Variants in DLGAP1 observed in about 807,000 individuals in gnomAD.
DLGAP1 encodes disks large-associated protein 1.
In DLGAP1, 11 loss-of-function variants were observed where a neutral mutation model predicts 90.8. That is an observed-to-expected ratio of 0.12 (90% CI 0.08 to 0.20). The LOEUF (loss-of-function observed/expected upper bound fraction) is 0.20, where lower values mean the gene tolerates loss of function less well. Among genes scored for constraint, DLGAP1 ranks in the 10% least tolerant of loss-of-function variants. The pLI is 1.00. For synonymous variants in DLGAP1, 558 were observed against 540.7 expected (o/e 1.03, Z -0.44); for missense variants, 1,050 against 1,333.8 (o/e 0.79, Z 3.31).
intron 7 of DLGAP1, among the ~76,000 whole-genome samples, chr18:3,675,102 C>T (rs1375582086): frequency 6.6e-6 from 1 of 152,196 alleles, no homozygotes; most frequent in East Asian, 1.9e-4. Context: ...GATGGAGTCT[C>T]ACTTTGTCAC....
chr18:3,714,937 A>G (rs1286016355), intron 7 of DLGAP1, among the ~76,000 whole-genome samples: 1 of 152,118 alleles, frequency 6.6e-6, no homozygotes, highest in Non-Finnish European at 1.5e-5. Context: ...ACGCCCAGTA[A>G]GGTTTTAAAA....
At chr18:3,697,322 C>T (rs776041881) in intron 7 of DLGAP1, among the ~76,000 whole-genome samples, 9 of 152,164 alleles carry the variant, frequency 5.9e-5, no homozygotes, top group Non-Finnish European at 1.3e-4. Context: ...CTCCTCTGGG[C>T]ATTTAGTGCT....
intron 5 of DLGAP1, among the ~76,000 whole-genome samples, chr18:3,802,381 C>A (rs113788014): frequency 0.013 from 2,023 of 152,318 alleles, 39 homozygotes; most frequent in African/African-American, 0.045. Context: ...AAAATGAATT[C>A]TCTGGATATG....
At chr18:3,676,195 G>A (rs1023429200) in intron 7 of DLGAP1, among the ~76,000 whole-genome samples, 1 of 152,222 alleles carries the variant, frequency 6.6e-6, no homozygotes, top group Non-Finnish European at 1.5e-5. Context: ...CAGACAAGAT[G>A]GCGCAGCCCA....
At chr18:3,766,821 C>T (rs1488352244) in intron 5 of DLGAP1, among the ~76,000 whole-genome samples, 1 of 152,070 alleles carries the variant, frequency 6.6e-6, no homozygotes, top group Non-Finnish European at 1.5e-5. Flanking sequence ...ACAGCTAAAT[C>T]AGTGTTGAGA....
At chr18:3,777,139 A>G (rs2064973734) in intron 5 of DLGAP1, among the ~76,000 whole-genome samples, 2 of 152,210 alleles carry the variant, frequency 1.3e-5, no homozygotes, top group Non-Finnish European at 1.5e-5. Context: ...ATATGCTTAT[A>G]AAAGCAAATT....
At chr18:3,728,729 T>C (rs894437303) in intron 7 of DLGAP1, among the ~76,000 whole-genome samples, 1 of 152,196 alleles carries the variant, frequency 6.6e-6, no homozygotes, top group African/African-American at 2.4e-5. Context: ...AAAACAGTCA[T>C]TTCAATTCTG....
intron 8 of DLGAP1, among the ~76,000 whole-genome samples, chr18:3,577,403 C>G (rs2055220930): frequency 6.6e-6 from 1 of 152,216 alleles, no homozygotes; most frequent in African/African-American, 2.4e-5. Context: ...TGAGCCTGGT[C>G]TGTGATTTCC....
At chr18:4,187,672 G>T (rs985673389) in intron 1 of DLGAP1, among the ~76,000 whole-genome samples, 54 of 152,098 alleles carry the variant, frequency 3.6e-4, no homozygotes, top group African/African-American at 1.3e-3. Flanking sequence ...TTTGACTAAA[G>T]AAAGTAATGT....
At chr18:4,123,004 G>T (rs2076177464) in intron 2 of DLGAP1, among the ~76,000 whole-genome samples, 1 of 152,174 alleles carries the variant, frequency 6.6e-6, no homozygotes, top group Non-Finnish European at 1.5e-5. Context: ...GGGCTAAAGG[G>T]ATCTGGAGTG....
intron 1 of DLGAP1, among the ~76,000 whole-genome samples, chr18:4,306,081 GGAGAGA>G (rs142976459): frequency 7.7e-5 from 11 of 143,790 alleles, no homozygotes; most frequent in East Asian, 4.0e-4. Flanking sequence ...AGAGGGGGGC[GGAGAGA>G]GAGAGAGAGA....
chr18:3,529,760 G>C (rs74897027), intron 10 of DLGAP1, among the ~76,000 whole-genome samples: 91 of 152,292 alleles, frequency 6.0e-4, no homozygotes, highest in African/African-American at 2.1e-3. Context: ...AGTTCAGCTT[G>C]AACAACAAAT....
intron 5 of DLGAP1, among the ~76,000 whole-genome samples, chr18:3,794,565 C>T (rs1050492296): frequency 6.6e-6 from 1 of 152,206 alleles, no homozygotes. Flanking sequence ...GAAGGTTCCT[C>T]TATGTATAAA....
intron 4 of DLGAP1, among the ~76,000 whole-genome samples, chr18:3,844,712 C>T (rs1373621667): frequency 6.6e-6 from 1 of 152,154 alleles, no homozygotes. Context: ...CTCACCTAAA[C>T]TGAAGCTGTG....
intron 3 of DLGAP1, among the ~76,000 whole-genome samples, chr18:3,980,601 C>A (rs2073707085): frequency 6.6e-6 from 1 of 152,168 alleles, no homozygotes; most frequent in Non-Finnish European, 1.5e-5. Flanking sequence ...ACATAGCTTT[C>A]CTACTCCTTT....
intron 4 of DLGAP1, 120 bp from the exon 5 acceptor site, chr18:3,814,393 G>C: frequency 1.1e-6 from 1 of 880,092 alleles, no homozygotes; most frequent in South Asian, 1.9e-5. Flanking sequence ...ATGGGGTCTT[G>C]CTTTGTCGCC....
chr18:4,412,814 G>A (rs2082808351), intron 1 of DLGAP1, among the ~76,000 whole-genome samples: 1 of 152,102 alleles, frequency 6.6e-6, no homozygotes, highest in African/African-American at 2.4e-5. Flanking sequence ...ATACACAAAG[G>A]CCAGCAAACC....
chr18:4,059,841 CAAG>C (rs1047147053), intron 2 of DLGAP1, among the ~76,000 whole-genome samples: 3 of 152,172 alleles, frequency 2.0e-5, no homozygotes, highest in Non-Finnish European at 4.4e-5. Flanking sequence ...GAGATTAGAA[CAAG>C]GAGGACAGGG....
intron 1 of DLGAP1, among the ~76,000 whole-genome samples, chr18:4,305,598 C>T (rs1041040263): frequency 1.3e-5 from 2 of 151,328 alleles, no homozygotes; most frequent in Non-Finnish European, 2.9e-5. Flanking sequence ...CACGAAGACA[C>T]GACCTTTACA....
Sources: allele counts gnomAD v4.1 joint callset (sites outside exome capture counted in the v4.1 genomes callset), GRCh38; gene constraint gnomAD v4.1.1; transcripts MANE v1.5; gene names NCBI Gene and HGNC (gene_info 2026-07-23, HGNC 2026-07-21).